Variants in THBS4 observed in about 807,000 individuals in gnomAD.
The protein encoded by THBS4 is thrombospondin 4.
THBS4 carries 90 observed loss-of-function variants against 115.7 expected under a neutral mutation model. The observed-to-expected ratio is 0.78, with a 90% CI of 0.66 to 0.93. THBS4 has a LOEUF of 0.93. Ranked by LOEUF, THBS4 falls within the 40% of genes least tolerant of loss-of-function variation. The pLI, the probability that THBS4 is intolerant of heterozygous loss-of-function variation, is 0.00. For synonymous variants in THBS4, 460 were observed against 479.3 expected (o/e 0.96, Z 0.53); for missense variants, 1,087 against 1,232.7 (o/e 0.88, Z 1.77).
At chr5:79,995,537 C>T (rs1831774383) in intron 1 of THBS4, among the ~76,000 whole-genome samples, 1 of 151,992 alleles carries the variant, frequency 6.6e-6, no homozygotes, top group Non-Finnish European at 1.5e-5. Flanking sequence ...AAAGAGACGA[C>T]ATGGTGAATC....
At chr5:80,052,037 A>G (rs1483857067) in intron 2 of THBS4, among the ~76,000 whole-genome samples, 2 of 152,222 alleles carry the variant, frequency 1.3e-5, no homozygotes, top group Non-Finnish European at 2.9e-5. Context: ...ATAAGGAGAT[A>G]GTGAGTGAGT....
chr5:80,078,294 G>A, intron 17 of THBS4, 67 bp downstream of exon 17: 2 of 1,377,336 alleles, frequency 1.5e-6, no homozygotes, highest in Non-Finnish European at 1.9e-6. Context: ...GATAGTGGTA[G>A]GTCATGTTTA....
chr5:80,015,390 C>A (rs927895808), intron 2 of THBS4, among the ~76,000 whole-genome samples: 3 of 152,078 alleles, frequency 2.0e-5, no homozygotes, highest in East Asian at 1.9e-4. Flanking sequence ...TGGTGGGAGA[C>A]CCTCTATAAA....
At chr5:79,994,919 A>T (rs535756573) in intron 1 of THBS4, among the ~76,000 whole-genome samples, 1 of 152,370 alleles carries the variant, frequency 6.6e-6, no homozygotes, top group South Asian at 2.1e-4. Flanking sequence ...TGCTTGGCAA[A>T]GGCCTAATGA....
rs1324624687 is a variant in THBS4 at position 80,083,283 on chromosome 5, A to T, written c.*142A>T. On this transcript the variant is annotated 3_prime_UTR_variant, in exon 22 of 22. Transcript: ENST00000350881. Reference sequence around the variant, plus strand: ...CAATAAAGGAGAAGAGATCATTTTTAAAAACCGTGTTGCTCAGACATTGCT... The same window carrying T: ...CAATAAAGGAGAAGAGATCATTTTTTAAAACCGTGTTGCTCAGACATTGCT... 4 of 752,314 alleles carry T rather than the reference A, an allele frequency of 5.3e-6. No individual in the cohort carries two copies. The East Asian group carries it at 8.3e-5, about 16-fold the overall frequency. The allele number at this position is 752,314 out of a possible 1,614,324, so 46.6% of individuals were successfully genotyped here. A position where few individuals can be genotyped will look rare whatever the true frequency, so the allele number is the denominator to read the frequency against.
intron 2 of THBS4, among the ~76,000 whole-genome samples, chr5:80,017,218 G>A (rs1030928114): frequency 3.9e-5 from 6 of 152,060 alleles, no homozygotes; most frequent in South Asian, 2.1e-4. Flanking sequence ...AAATAATACC[G>A]TAAAGAAAAC....
Position 80,035,496 on chromosome 5 carries a change from C to G in THBS4, c.-42C>G. Reference sequence around the variant, plus strand: ...CGGGGACCCCCAGGCGGGGCCAACGCCGCCGTCGCCCCCGGCCTCGCGGGG... The same window carrying G: ...CGGGGACCCCCAGGCGGGGCCAACGGCGCCGTCGCCCCCGGCCTCGCGGGG... On this transcript the variant is annotated 5_prime_UTR_variant, in exon 1 of 22. Coordinates refer to ENST00000350881, the MANE Select transcript of THBS4 (RefSeq NM_003248.6). The surrounding 1 kb of genome is among the most constrained non-coding windows in gnomAD (Gnocchi z 4.6). The G allele has an allele frequency of 7.8e-7, 1 of 1,281,142 alleles. No individual in the cohort carries two copies. Among genetic ancestry groups the G allele is most frequent in the Non-Finnish European group, 9.9e-7 (1 of 1,011,024 alleles). 79.4% of individuals were successfully genotyped at this position (1,281,142 alleles called of 1,614,324 possible).
intron 20 of THBS4, chr5:80,082,178 C>T: frequency 2.3e-6 from 1 of 435,282 alleles, no homozygotes; most frequent in Admixed American, 4.0e-5. Context: ...CACCCCCCAC[C>T]CCCCTCCACA....
intron 2 of THBS4, among the ~76,000 whole-genome samples, chr5:80,021,434 A>G (rs770412689): frequency 6.6e-6 from 1 of 152,104 alleles, no homozygotes; most frequent in African/African-American, 2.4e-5. Flanking sequence ...AAGTGAAAAA[A>G]CATTATCTAT....
rs1398737650 is a variant in THBS4, at chr5:80,077,063, C to T, written c.2086+15C>T. On this transcript the variant is annotated intron_variant, in intron 16 of 21. Coordinates refer to ENST00000350881, the MANE Select transcript of THBS4 (RefSeq NM_003248.6). ...GGATAGCAACAGTAAGCAGGCTCAG[C>T]CCAGAGCTGCACAGCACCCCTGGGC... is the stretch of plus-strand genomic sequence containing the variant. 6.3e-7 allele frequency: 1 copy of T among 1,581,316 alleles called. No individual in the cohort carries two copies. The highest frequency in any genetic ancestry group is 2.3e-5 in the East Asian group (1 of 43,972).
chr5:80,005,547 A>G (rs1831997562), intron 2 of THBS4, among the ~76,000 whole-genome samples: 1 of 151,966 alleles, frequency 6.6e-6, no homozygotes, highest in African/African-American at 2.4e-5. Context: ...TGAGCACTAG[A>G]TGTGAATTCT....
intron 2 of THBS4, among the ~76,000 whole-genome samples, chr5:80,041,335 C>T (rs915836176): frequency 5.3e-5 from 8 of 152,136 alleles, no homozygotes; most frequent in Non-Finnish European, 1.0e-4. Flanking sequence ...TCCCAAAAGC[C>T]CCACCTCCAA....
At chr5:80,030,437 G>A (rs541093811), upstream of THBS4, among the ~76,000 whole-genome samples, 2 of 151,880 alleles carry the variant, frequency 1.3e-5, no homozygotes, top group South Asian at 2.1e-4. Context: ...GTGCAATCTC[G>A]GCTCACTGCA....
upstream of THBS4, among the ~76,000 whole-genome samples, chr5:80,031,121 T>C (rs191179578): frequency 3.1e-4 from 47 of 152,264 alleles, no homozygotes; most frequent in East Asian, 8.5e-3. Flanking sequence ...ATTGCTCACA[T>C]AATACGTTTT....
intron 2 of THBS4, chr5:80,019,722 C>G (rs1459074934): frequency 5.0e-6 from 1 of 199,560 alleles, no homozygotes; most frequent in Admixed American, 4.6e-5. Flanking sequence ...TGGTTAATAA[C>G]TGTGCCATCT....
intron 2 of THBS4, among the ~76,000 whole-genome samples, chr5:80,011,521 C>G (rs1241960592): frequency 6.6e-6 from 1 of 152,160 alleles, no homozygotes; most frequent in Non-Finnish European, 1.5e-5. Flanking sequence ...ATTTGTTCAG[C>G]TTATTGACTG....
At chr5:80,009,178 A>G (rs938459889) in intron 2 of THBS4, among the ~76,000 whole-genome samples, 3 of 152,218 alleles carry the variant, frequency 2.0e-5, no homozygotes, top group Non-Finnish European at 4.4e-5. Context: ...AAGAACAGTT[A>G]GTACAGAGTC....
At chr5:80,064,545 C>CA (rs1391748815) in intron 8 of THBS4, among the ~76,000 whole-genome samples, 1 of 152,150 alleles carries the variant, frequency 6.6e-6, no homozygotes, top group East Asian at 1.9e-4. Flanking sequence ...GGCAACATGG[C>CA]AAAATCCCAT....
intron 9 of THBS4, among the ~76,000 whole-genome samples, chr5:80,065,975 G>C (rs547487447): frequency 3.6e-4 from 55 of 151,936 alleles, no homozygotes; most frequent in African/African-American, 1.2e-3. Flanking sequence ...GGTGCCTGTA[G>C]TCCCAGCTAC....
Sources: gnomAD v4.1 joint callset for allele counts (sites outside exome capture counted in the v4.1 genomes callset) on GRCh38, gnomAD v4.1.1 for gene constraint, Gnocchi (gnomAD v3.1) non-coding constraint, MANE v1.5 for transcripts, NCBI Gene and HGNC (gene_info 2026-07-23, HGNC 2026-07-21) for gene names.